Variants in RPS6KA1 observed in about 807,000 individuals in gnomAD.
RPS6KA1 encodes the protein ribosomal protein S6 kinase A1.
Under a neutral mutation model 91.3 loss-of-function variants are expected in RPS6KA1, and 48 were observed. The ratio of observed to expected loss-of-function variants is 0.53; its 90% CI spans 0.42 to 0.67. RPS6KA1 has a LOEUF of 0.67. Among genes scored for constraint, RPS6KA1 ranks in the 30% least tolerant of loss-of-function variants. RPS6KA1 has a pLI of 0.00. For missense variants in RPS6KA1, 719 were observed against 960.5 expected (o/e 0.75, Z 3.32); for synonymous variants, 359 against 384.7 (o/e 0.93, Z 0.78).
intron 14 of RPS6KA1, among the ~76,000 whole-genome samples, chr1:26,559,427 C>A (rs1358237352): frequency 6.6e-6 from 1 of 151,956 alleles, no homozygotes; most frequent in Non-Finnish European, 1.5e-5. Flanking sequence ...AGTGCAGTGG[C>A]ACAATCTCAG....
rs2075912116 is a variant in RPS6KA1, at chr1:26,537,048, C to G, written c.108+79C>G. On this transcript the variant is annotated intron_variant, in intron 2 of 21. Transcript: ENST00000374168. ...ATGGCTTTGGAGGAGGTTGAGGGCT[C>G]CAGCCTCTAGCCCCTTTGCCCAACT... The G allele has an allele frequency of 2.0e-6, 3 of 1,481,266 alleles. No homozygotes were observed. In the South Asian group the frequency reaches 3.4e-5, roughly 17 times the overall value. The allele number at this position is 1,481,266 out of a possible 1,614,324, so 91.8% of individuals were successfully genotyped here.
chr1:26,547,271 G>A lies in RPS6KA1; in HGVS notation c.307+1G>A. 1.2e-6 allele frequency: 2 copies of A among 1,613,230 alleles called. No individual in the cohort carries two copies. The highest frequency in any genetic ancestry group is 1.7e-6 in the Non-Finnish European group (2 of 1,179,690). On this transcript the variant is annotated splice_donor_variant, in intron 4 of 21. Coordinates refer to ENST00000374168, the MANE Select transcript of RPS6KA1 (RefSeq NM_002953.4). LOFTEE classifies it high-confidence loss of function. This position sits in a 1 kb window ranked among gnomAD's most constrained non-coding sequence, Gnocchi z 4.1. ...GTGCTGAAGAAGGCAACGCTGAAAGGTGAGTGGGGACACCTCCCTGTGCAG... is the reference window on the plus strand; with the variant it reads ...GTGCTGAAGAAGGCAACGCTGAAAGATGAGTGGGGACACCTCCCTGTGCAG...
intron 17 of RPS6KA1, among the ~76,000 whole-genome samples, chr1:26,567,518 C>G (rs566288449): frequency 4.6e-5 from 7 of 152,118 alleles, no homozygotes; most frequent in African/African-American, 7.2e-5. Flanking sequence ...GTAGCTGGGA[C>G]TACAGATGCA....
At chr1:26,544,179 G>A (rs929458294) in intron 2 of RPS6KA1, 1 of 456,114 alleles carries the variant, frequency 2.2e-6, no homozygotes, top group African/African-American at 2.0e-5. Flanking sequence ...TCTGCCCTAG[G>A]TATTGTCAGT....
At chr1:26,565,841 C>T (rs565817268) in intron 17 of RPS6KA1, among the ~76,000 whole-genome samples, 2 of 152,254 alleles carry the variant, frequency 1.3e-5, no homozygotes, top group East Asian at 1.9e-4. Flanking sequence ...GGATTACAGG[C>T]GCGGCCCCGT....
At chr1:26,565,594 C>T (rs1281415836) in intron 17 of RPS6KA1, among the ~76,000 whole-genome samples, 2 of 142,590 alleles carry the variant, frequency 1.4e-5, no homozygotes, top group African/African-American at 2.8e-5. Context: ...GAGTTTTGCT[C>T]TTCTCGCCCA....
rs1570438950 is a variant in RPS6KA1, at chr1:26,551,835, A to C, written c.468+112A>C. 2.2e-6 allele frequency: 2 copies of C among 925,564 alleles called. No individual in the cohort carries two copies. The highest frequency in any genetic ancestry group is 2.7e-5 in the South Asian group (2 of 72,914). 57.3% of individuals were successfully genotyped at this position (925,564 alleles called of 1,614,324 possible). On this transcript the variant is annotated intron_variant, in intron 6 of 21. Coordinates refer to ENST00000374168, the MANE Select transcript of RPS6KA1 (RefSeq NM_002953.4). The surrounding 1 kb of genome is among the most constrained non-coding windows in gnomAD (Gnocchi z 4.5). ...TTTGGTATGGCTTGAACCTGGAACC[A>C]CCCAGGCCTGCCTAGCAGCCCCTGG...
chr1:26,534,940 T>G, intron 1 of RPS6KA1, among the ~76,000 whole-genome samples: 1 of 152,216 alleles, frequency 6.6e-6, no homozygotes, highest in East Asian at 1.9e-4. Flanking sequence ...TAGAAGGTTC[T>G]CAGCAAATGT....
intron 17 of RPS6KA1, among the ~76,000 whole-genome samples, chr1:26,569,459 C>T (rs1051775705): frequency 3.9e-5 from 6 of 152,144 alleles, no homozygotes; most frequent in Admixed American, 2.0e-4. Flanking sequence ...TTCTCCAAGG[C>T]TTGGATACAG....
Position 26,572,197 on chromosome 1 carries a change from T to C in RPS6KA1, c.1851T>C (p.Gly617=), listed in dbSNP as rs773601096. ...GCAGATATACTCCATTTGCCAACGG[T>C]CCCAGTGACACACCAGAGGAAATCC... is the stretch of plus-strand genomic sequence containing the variant. ...MLAGYTPFAN[G]PSDTPEEILT... The change falls in exon 20 of 22, where the codon GGT becomes GGC. Residue 617 remains glycine, a synonymous_variant. Transcript: ENST00000374168. The C allele has an allele frequency of 2.5e-6, 4 of 1,613,684 alleles. No homozygotes were observed. Among genetic ancestry groups the C allele is most frequent in the Non-Finnish European group, 3.4e-6 (4 of 1,179,940 alleles).
chr1:26,564,824 T>C (rs2076185045), intron 17 of RPS6KA1, among the ~76,000 whole-genome samples: 2 of 152,222 alleles, frequency 1.3e-5, no homozygotes, highest in South Asian at 4.1e-4. Context: ...GAAATGCCAG[T>C]GCAATAGACT....
intron 2 of RPS6KA1, among the ~76,000 whole-genome samples, chr1:26,542,566 C>T (rs1290526304): frequency 6.6e-6 from 1 of 152,230 alleles, no homozygotes; most frequent in East Asian, 1.9e-4. Flanking sequence ...CCTGCTCCTC[C>T]TCTCAGACCT....
In RPS6KA1 at chr1:26,556,644, G is replaced by A. The variant is rs372587776; in HGVS notation, c.917-10G>A. On this transcript the variant is annotated splice_polypyrimidine_tract_variant and intron_variant, in intron 11 of 21. Coordinates refer to ENST00000374168, the MANE Select transcript of RPS6KA1 (RefSeq NM_002953.4). The stretch of plus-strand genomic sequence containing the variant: ...AGCCAGGGACAGACCCTTCATTTGG[G>A]CTCTTTCAGGCTCCGGCCCTGATGG... 6.9e-5 allele frequency: 112 copies of A among 1,614,112 alleles called. No individual in the cohort carries two copies. The Admixed American group carries it at 1.5e-3, about 22-fold the overall frequency.
Position 26,573,949 on chromosome 1 carries a change from A to C in RPS6KA1, c.2086-130A>C, listed in dbSNP as rs957443430. On this transcript the variant is annotated intron_variant, in intron 21 of 21. Transcript: ENST00000374168. ...TGAGACTGTATCTCAAAAAAAAAAA[A>C]ACAACAAAAACAAAACCAAAAAAAG... 1.3e-5 allele frequency: 14 copies of C among 1,099,974 alleles called. No homozygotes were observed. The African/African-American group carries it at 2.1e-4, about 16-fold the overall frequency. 68.1% of individuals were successfully genotyped at this position (1,099,974 alleles called of 1,614,324 possible). A position where few individuals can be genotyped will look rare whatever the true frequency, so the allele number is the denominator to read the frequency against.
chr1:26,541,070 A>G (rs1451403240), intron 2 of RPS6KA1, among the ~76,000 whole-genome samples: 9 of 151,366 alleles, frequency 5.9e-5, no homozygotes. Context: ...GATTACAGGC[A>G]TGAGCCACCG....
intron 1 of RPS6KA1, among the ~76,000 whole-genome samples, chr1:26,531,760 G>A (rs1016933184): frequency 6.6e-6 from 1 of 152,166 alleles, no homozygotes; most frequent in Non-Finnish European, 1.5e-5. Flanking sequence ...CTTCTCCAGT[G>A]GCAAGTGCTA....
rs2076004171 is a variant in RPS6KA1 at position 26,547,301 on chromosome 1, C to G, written c.307+31C>G. 6.3e-7 allele frequency: 1 copy of G among 1,599,640 alleles called. No homozygotes were observed. The highest frequency in any genetic ancestry group is 8.5e-7 in the Non-Finnish European group (1 of 1,170,100). ...TGGGGACACCTCCCTGTGCAGAACC[C>G]AGGCTTGGCTGAGGGAGGCAGCCCA... is the stretch of plus-strand genomic sequence containing the variant. On this transcript the variant is annotated intron_variant, in intron 4 of 21. Transcript: ENST00000374168. This position sits in a 1 kb window ranked among gnomAD's most constrained non-coding sequence, Gnocchi z 4.1.
intron 2 of RPS6KA1, 40 bp from the exon 3 acceptor site, chr1:26,546,827 A>C (rs774042153): frequency 6.5e-7 from 1 of 1,542,984 alleles, no homozygotes; most frequent in Non-Finnish European, 9.0e-7. Context: ...TGCTGCCTGG[A>C]TGGGGCCCAC....
chr1:26,549,049 T>A (rs1322215784), intron 4 of RPS6KA1, among the ~76,000 whole-genome samples: 1 of 150,300 alleles, frequency 6.7e-6, no homozygotes, highest in East Asian at 1.9e-4. Flanking sequence ...ATTGGCCAGA[T>A]CTCCTAAGAT....
Sources: allele counts gnomAD v4.1 joint callset (sites outside exome capture counted in the v4.1 genomes callset), GRCh38; gene constraint gnomAD v4.1.1; non-coding constraint Gnocchi (gnomAD v3.1); transcripts MANE v1.5; gene names NCBI Gene and HGNC (gene_info 2026-07-23, HGNC 2026-07-21).